The following SGCZ variants were observed in gnomAD, a reference collection of about 807,000 sequenced individuals.
The protein encoded by SGCZ is sarcoglycan zeta.
A neutral mutation model predicts 41.3 loss-of-function variants in SGCZ; 40 were observed. That is an observed-to-expected ratio of 0.97 (90% confidence interval 0.75 to 1.26). The LOEUF is 1.26. Ranked by LOEUF, SGCZ falls within the 50% of genes most tolerant of loss-of-function variation. SGCZ has a pLI of 0.00. For missense variants in SGCZ, 552 were observed against 369.8 expected (o/e 1.49, Z -4.04); for synonymous variants, 206 against 137.5 (o/e 1.50, Z -3.49).
chr8:15,086,098 T>C (rs1805938563), intron 1 of SGCZ, among the ~76,000 whole-genome samples: 1 of 152,244 alleles, frequency 6.6e-6, no homozygotes, highest in Non-Finnish European at 1.5e-5. Flanking sequence ...AATCTAAACT[T>C]AATTAGCATT....
chr8:14,980,322 A>C (rs1341052912), intron 1 of SGCZ, among the ~76,000 whole-genome samples: 1 of 152,204 alleles, frequency 6.6e-6, no homozygotes, highest in East Asian at 1.9e-4. Flanking sequence ...GAAGGAATCT[A>C]CTCATTAATC....
At chr8:14,729,241 G>A (rs1045926178) in intron 1 of SGCZ, among the ~76,000 whole-genome samples, 7 of 152,074 alleles carry the variant, frequency 4.6e-5, no homozygotes, top group South Asian at 2.1e-4. Context: ...GCCCAGTCAC[G>A]ACAACGCTTA....
chr8:14,948,141 A>C (rs1800514167), intron 1 of SGCZ, among the ~76,000 whole-genome samples: 1 of 152,170 alleles, frequency 6.6e-6, no homozygotes, highest in East Asian at 1.9e-4. Flanking sequence ...GACAGTATTT[A>C]TTCTCTTACT....
rs1229342967 is a variant in SGCZ at position 14,764,022 on chromosome 8, G to A, written c.40-209096C>T. Among the ~76,000 whole-genome samples the A allele has an allele frequency of 2.0e-5, 3 of 152,154 alleles. No homozygotes were observed. The East Asian group carries it at 5.8e-4, about 29-fold the overall frequency. Reference sequence around the variant, plus strand: ...ATGCTATTCCCTATCAAGTTCCTTGGAGAAATGGCTGATGCCATGTCTGGC... The same window carrying A: ...ATGCTATTCCCTATCAAGTTCCTTGAAGAAATGGCTGATGCCATGTCTGGC... On this transcript the variant is annotated intron_variant, in intron 1 of 7. Transcript: ENST00000382080.
intron 1 of SGCZ, among the ~76,000 whole-genome samples, chr8:14,884,217 T>C (rs2130729443): frequency 6.6e-6 from 1 of 152,280 alleles, no homozygotes; most frequent in East Asian, 1.9e-4. Flanking sequence ...TTAGAATCCA[T>C]TGCACTGAGA....
chr8:14,506,458 A>G (rs1802307385), intron 2 of SGCZ, among the ~76,000 whole-genome samples: 1 of 151,856 alleles, frequency 6.6e-6, no homozygotes, highest in Non-Finnish European at 1.5e-5. Context: ...TAACCAAACA[A>G]ATAAACAAAG....
At chr8:14,335,493 TC>T (rs1219076303) in intron 2 of SGCZ, among the ~76,000 whole-genome samples, 3 of 152,150 alleles carry the variant, frequency 2.0e-5, no homozygotes, top group Non-Finnish European at 4.4e-5. Flanking sequence ...AATATTAGCT[TC>T]TTTTTAACAT....
intron 7 of SGCZ, among the ~76,000 whole-genome samples, chr8:14,096,658 G>A (rs1173890048): frequency 2.0e-5 from 3 of 152,104 alleles, no homozygotes; most frequent in Admixed American, 2.0e-4. Flanking sequence ...TCTATTGATT[G>A]GAATAGTTTC....
At chr8:15,007,569 C>T (rs1275069695) in intron 1 of SGCZ, among the ~76,000 whole-genome samples, 2 of 152,154 alleles carry the variant, frequency 1.3e-5, no homozygotes, top group Admixed American at 6.5e-5. Flanking sequence ...GTTTCTCAAT[C>T]GTCTCATCCG....
At chr8:14,366,426 C>T (rs1164866932) in intron 2 of SGCZ, among the ~76,000 whole-genome samples, 1 of 152,124 alleles carries the variant, frequency 6.6e-6, no homozygotes, top group Non-Finnish European at 1.5e-5. Flanking sequence ...GGGGAAACCA[C>T]CTGGATTATC....
chr8:14,299,856 C>T (rs1478421595), intron 3 of SGCZ, among the ~76,000 whole-genome samples: 1 of 151,722 alleles, frequency 6.6e-6, no homozygotes, highest in Admixed American at 6.6e-5. Flanking sequence ...AATATAGTAT[C>T]TTTATTTATT....
At chr8:15,228,503 A>G (rs1172759340) in intron 1 of SGCZ, among the ~76,000 whole-genome samples, 1 of 152,202 alleles carries the variant, frequency 6.6e-6, no homozygotes, top group Non-Finnish European at 1.5e-5. Context: ...GAAAACATTG[A>G]TTTTTATAAA....
At chr8:14,296,355 T>C (rs1471233562) in intron 3 of SGCZ, among the ~76,000 whole-genome samples, 1 of 152,168 alleles carries the variant, frequency 6.6e-6, no homozygotes. Context: ...GCATATAGTA[T>C]AAGAAATACT....
At chr8:14,450,590 A>T (rs1420264141) in intron 2 of SGCZ, among the ~76,000 whole-genome samples, 1 of 152,182 alleles carries the variant, frequency 6.6e-6, no homozygotes, top group Admixed American at 6.5e-5. Context: ...ACCTCCAGTG[A>T]TCACTGCTAT....
intron 3 of SGCZ, among the ~76,000 whole-genome samples, chr8:14,281,071 T>C (rs554250903): frequency 6.6e-6 from 1 of 152,076 alleles, no homozygotes; most frequent in East Asian, 1.9e-4. Context: ...CCTTAGGTGA[T>C]GTGCATTACC....
intron 2 of SGCZ, among the ~76,000 whole-genome samples, chr8:14,546,841 C>A (rs779386532): frequency 6.6e-6 from 1 of 151,920 alleles, no homozygotes; most frequent in Non-Finnish European, 1.5e-5. Context: ...CAATGAAATG[C>A]GGTGGAATCT....
intron 2 of SGCZ, among the ~76,000 whole-genome samples, chr8:14,550,839 T>C (rs536193501): frequency 1.3e-5 from 2 of 152,118 alleles, no homozygotes; most frequent in East Asian, 3.9e-4. Context: ...GAAAATATCG[T>C]AAAATGATCT....
chr8:15,149,780 A>C (rs972086239), intron 1 of SGCZ, among the ~76,000 whole-genome samples: 1 of 151,836 alleles, frequency 6.6e-6, no homozygotes, highest in Non-Finnish European at 1.5e-5. Flanking sequence ...TTTCAAATGC[A>C]TATTCACTGA....
intron 1 of SGCZ, among the ~76,000 whole-genome samples, chr8:15,176,410 T>G (rs1043145284): frequency 6.6e-6 from 1 of 152,226 alleles, no homozygotes; most frequent in Non-Finnish European, 1.5e-5. Flanking sequence ...TACTTGGCAT[T>G]TGACGGCAAA....
Sources: gnomAD v4.1 joint callset for allele counts (sites outside exome capture counted in the v4.1 genomes callset) on GRCh38, gnomAD v4.1.1 for gene constraint, MANE v1.5 for transcripts, NCBI Gene and HGNC (gene_info 2026-07-23, HGNC 2026-07-21) for gene names.